AKAP17A: variants seen among roughly 807,000 people sequenced by gnomAD.
AKAP17A encodes the protein A-kinase anchor protein 17A.
A neutral mutation model predicts 52.2 loss-of-function variants in AKAP17A; 15 were observed. The observed-to-expected ratio is 0.29, with a 90% CI of 0.19 to 0.44. The LOEUF (loss-of-function observed/expected upper bound fraction) is 0.44, where lower values mean the gene tolerates loss of function less well. AKAP17A is among the 20% of genes least tolerant of loss of function. AKAP17A has a pLI of 1.00. For synonymous variants in AKAP17A, 514 were observed against 424.7 expected (o/e 1.21, Z -2.58); for missense variants, 1,060 against 1,007.0 (o/e 1.05, Z -0.71).
intron 3 of AKAP17A, among the ~76,000 whole-genome samples, chrX:1,598,718 G>C (rs781553546): frequency 9.9e-5 from 15 of 152,234 alleles, no homozygotes; most frequent in African/African-American, 3.4e-4. Context: ...TTAGAGAGAG[G>C]TCCCCCCGTG....
intron 3 of AKAP17A, among the ~76,000 whole-genome samples, chrX:1,597,747 T>G (rs28680548): frequency 6.6e-6 from 1 of 151,844 alleles, no homozygotes; most frequent in African/African-American, 2.4e-5. Context: ...TGAGGAGAGA[T>G]GGACGTTGGA....
chrX:1,601,970 G>A lies in AKAP17A; in HGVS notation c.*376G>A. ...GCTTGGCGACCTCCCTGCGTGCACGGCCTAGGAGGTGCACGGGCCACCATA... is the reference window on the plus strand; with the variant it reads ...GCTTGGCGACCTCCCTGCGTGCACGACCTAGGAGGTGCACGGGCCACCATA... On this transcript the variant is annotated 3_prime_UTR_variant, in exon 5 of 5. Coordinates refer to ENST00000313871, the MANE Select transcript of AKAP17A (RefSeq NM_005088.3). 4.4e-6 allele frequency: 1 copy of A among 225,214 alleles called. No homozygotes were observed. Among genetic ancestry groups the A allele is most frequent in the Non-Finnish European group, 8.6e-6 (1 of 115,620 alleles). The allele number at this position is 225,214 out of a possible 1,614,324, so 14.0% of individuals were successfully genotyped here.
intron 1 of AKAP17A, 129 bp downstream of exon 1, chrX:1,591,898 TG>T (rs1246725785): frequency 1.4e-4 from 1 of 7,264 alleles, no homozygotes; most frequent in Non-Finnish European, 2.6e-4. Flanking sequence ...GGGCTGGGGT[TG>T]GGGGGCGTGG....
Position 1,601,242 on chromosome X carries a change from G to A in AKAP17A, c.1736G>A (p.Cys579Tyr). ...RKDTRSEQDK[C>Y]NREPSKGRGR... ...GACACCCGGTCAGAACAGGACAAGT[G>A]CAACCGGGAGCCCAGCAAGGGCCGG... is the stretch of plus-strand genomic sequence containing the variant. The change falls in exon 5 of 5, where the codon TGC becomes TAC. Residue 579 changes from cysteine to tyrosine, a missense_variant. Coordinates refer to ENST00000313871, the MANE Select transcript of AKAP17A (RefSeq NM_005088.3). 1 of 1,613,750 alleles carries A rather than the reference G, an allele frequency of 6.2e-7. No homozygotes were observed.
At position 1,601,286 on chromosome X, in the gene AKAP17A, G is replaced by C. The variant is rs199895489; in HGVS notation, c.1780G>C (p.Gly594Arg). The part of the protein sequence containing the change: ...SKGRGRATGD[G>R]LADRHKRERS... ...GGGCCGGGGCCGGGCCACCGGAGAC[G>C]GGCTTGCTGACCGGCACAAGCGGGA... Residue 594 changes from glycine to arginine, a missense_variant, in exon 5 of 5, where the codon GGG becomes CGG. Coordinates refer to ENST00000313871, the MANE Select transcript of AKAP17A (RefSeq NM_005088.3). 1.9e-6 allele frequency: 3 copies of C among 1,611,328 alleles called. No individual in the cohort carries two copies. The highest frequency in any genetic ancestry group is 2.5e-6 in the Non-Finnish European group (3 of 1,179,170).
chrX:1,600,881 G>A lies in AKAP17A; in HGVS notation c.1375G>A (p.Ala459Thr), dbSNP rs1430886370. 11 of 1,581,578 alleles carry A rather than the reference G, an allele frequency of 7.0e-6. No individual in the cohort carries two copies. The highest frequency in any genetic ancestry group is 1.3e-5 in the African/African-American group (1 of 74,630). ...DSHTHDELGV[A>T]HADLLQPVLD... ...CCACACACACGACGAGCTGGGCGTGGCACACGCCGACCTGCTGCAGCCCGT... is the reference window on the plus strand; with the variant it reads ...CCACACACACGACGAGCTGGGCGTGACACACGCCGACCTGCTGCAGCCCGT... Residue 459 changes from alanine to threonine, a missense_variant, in exon 5 of 5, where the codon GCA (alanine) becomes ACA (threonine). By Grantham distance (58) the Ala-to-Thr change is moderately conservative. Around this residue, in one of 2 missense-constraint regions of AKAP17A, gnomAD observed 793 missense variants for 629.9 expected, o/e 1.26. Transcript: ENST00000313871.
At position 1,602,200 on chromosome X, in the gene AKAP17A, C is replaced by CA. The variant is rs1355357327; in HGVS notation, c.*610dup. 1 of 152,312 alleles carries CA rather than the reference C, an allele frequency of 6.6e-6. No homozygotes were observed. Among genetic ancestry groups the CA allele is most frequent in the African/African-American group, 2.4e-5 (1 of 41,424 alleles). 9.4% of individuals were successfully genotyped at this position (152,312 alleles called of 1,614,324 possible). A position where few individuals can be genotyped will look rare whatever the true frequency, so the allele number is the denominator to read the frequency against. ...AGGTGTCGGTATGTGGGGAGTGGTA[C>CA]AAAATGGTCTGATGCTCCTTCAAAA... On this transcript the variant is annotated 3_prime_UTR_variant, in exon 5 of 5. Coordinates refer to ENST00000313871, the MANE Select transcript of AKAP17A (RefSeq NM_005088.3).
chrX:1,595,407 C>G lies in AKAP17A; in HGVS notation c.786C>G (p.His262Gln). ...NIKVSFDSTKHLSDASIKKRQ... is the reference protein window; with the variant it reads ...NIKVSFDSTKQLSDASIKKRQ... ...AGGTTTCTTTTGATTCGACCAAACA[C>G]CTGAGTGATGCCTCAATTAAGAAGC... is the stretch of plus-strand genomic sequence containing the variant. Residue 262 changes from histidine to glutamine, a missense_variant, in exon 3 of 5, where the codon CAC becomes CAG. Coordinates refer to ENST00000313871, the MANE Select transcript of AKAP17A (RefSeq NM_005088.3). 1.2e-6 allele frequency: 2 copies of G among 1,614,000 alleles called. No homozygotes were observed. The highest frequency in any genetic ancestry group is 1.7e-6 in the Non-Finnish European group (2 of 1,179,886).
rs1932885698 is a variant in AKAP17A, at chrX:1,593,851, T to C, written c.389T>C (p.Phe130Ser). The C allele has an allele frequency of 6.2e-7, 1 of 1,612,560 alleles. No homozygotes were observed. The highest frequency in any genetic ancestry group is 1.3e-5 in the African/African-American group (1 of 74,884). Residue 130 changes from phenylalanine (F) to serine (S), a missense_variant, in exon 2 of 5, where the codon TTC becomes TCC. By Grantham distance (155) the Phe-to-Ser change is radical. Transcript: ENST00000313871. Reference sequence around the variant, plus strand: ...CCCACCCGCCACGACTGGGACTCCTTCTTCCGCGACGCCAAGGACATGAAC... The same window carrying C: ...CCCACCCGCCACGACTGGGACTCCTCCTTCCGCGACGCCAAGGACATGAAC... ...DFPTRHDWDS[F>S]FRDAKDMNET...
At chrX:1,596,449 CAT>C (rs1932985319) in intron 3 of AKAP17A, among the ~76,000 whole-genome samples, 1 of 107,178 alleles carries the variant, frequency 9.3e-6, no homozygotes, top group African/African-American at 3.6e-5. Context: ...CCTCCTCCTC[CAT>C]CCCTCCCACC....
chrX:1,598,221 A>AG (rs2039452580), intron 3 of AKAP17A, among the ~76,000 whole-genome samples: 1 of 152,196 alleles, frequency 6.6e-6, no homozygotes, highest in East Asian at 1.9e-4. Flanking sequence ...TTAAACCTTC[A>AG]GCACATGAAA....
chrX:1,597,464 G>T (rs1425348693), intron 3 of AKAP17A, among the ~76,000 whole-genome samples: 2 of 152,170 alleles, frequency 1.3e-5, no homozygotes, highest in Non-Finnish European at 2.9e-5. Context: ...CCTGGGAGGG[G>T]CGGTTCGGAT....
chrX:1,592,990 AAACCTTTCC>A (rs1932865538), intron 1 of AKAP17A, among the ~76,000 whole-genome samples: 1 of 152,116 alleles, frequency 6.6e-6, no homozygotes, highest in Non-Finnish European at 1.5e-5. Flanking sequence ...CCCCTCCACA[AAACCTTTCC>A]AGATGCCTGC....
intron 3 of AKAP17A, among the ~76,000 whole-genome samples, chrX:1,597,358 CG>C (rs1310085391): frequency 6.6e-6 from 1 of 152,142 alleles, no homozygotes; most frequent in Admixed American, 6.5e-5. Context: ...CCATGTCAGC[CG>C]TCAGGATTCC....
intron 4 of AKAP17A, chrX:1,600,056 G>C (rs765491352): frequency 1.4e-5 from 12 of 858,400 alleles, no homozygotes; most frequent in Non-Finnish European, 1.9e-5. Flanking sequence ...AGACGTCCCC[G>C]GCACGCTCCT....
rs140581976 is a variant in AKAP17A at position 1,601,052 on chromosome X, G to A, written c.1546G>A (p.Val516Met). 38 of 1,613,064 alleles carry A rather than the reference G, an allele frequency of 2.4e-5. No individual in the cohort carries two copies. The highest frequency in any genetic ancestry group is 2.0e-4 in the South Asian group (18 of 91,062). The change falls in exon 5 of 5, where the codon GTG (valine) becomes ATG (methionine). Residue 516 changes from valine (V) to methionine (M), a missense_variant. By Grantham distance (21) the Val-to-Met change is conservative (BLOSUM62 1). Around this residue, in one of 2 missense-constraint regions of AKAP17A, gnomAD observed 793 missense variants for 629.9 expected, o/e 1.26. Transcript: ENST00000313871. ...CGCTCCCAAAAGCGTGAACGGGAGC[G>A]TGGCCGAGGAGGCCCCATGCAAGGA... The part of the protein sequence containing the change: ...DGAPKSVNGS[V>M]AEEAPCKEVQ...
Position 1,593,556 on chromosome X carries a change from A to G in AKAP17A, c.94A>G (p.Ile32Val), listed in dbSNP as rs1311542632. ...LYLKPITKMT[I>V]SVALPQLKQP... Reference sequence around the variant, plus strand: ...CCTGAAGCCCATCACCAAGATGACCATCAGCGTGGCACTCCCGCAGCTGAA... The same window carrying G: ...CCTGAAGCCCATCACCAAGATGACCGTCAGCGTGGCACTCCCGCAGCTGAA... The change falls in exon 2 of 5, where the codon ATC (isoleucine) becomes GTC (valine). Residue 32 changes from isoleucine to valine, a missense_variant. This residue lies in a region of AKAP17A where 267 missense variants were observed against 377.1 expected (regional missense o/e 0.71). Coordinates refer to ENST00000313871, the MANE Select transcript of AKAP17A (RefSeq NM_005088.3). 1 of 1,613,636 alleles carries G rather than the reference A, an allele frequency of 6.2e-7. No homozygotes were observed. The highest frequency in any genetic ancestry group is 8.5e-7 in the Non-Finnish European group (1 of 1,179,848).
intron 4 of AKAP17A, chrX:1,600,034 C>T (rs1438869163): frequency 7.7e-6 from 5 of 653,412 alleles, no homozygotes; most frequent in Non-Finnish European, 1.2e-5. Flanking sequence ...GACAGACAGA[C>T]CTCCCCAGGA....
rs779706539 is a variant in AKAP17A, at chrX:1,601,545, G to A, written c.2039G>A (p.Arg680Gln). ...AGCCGCCACCGCCGCCGAAGCGAGC[G>A]GTCGCGCTCCCGGTCCCCGAGCAGG... ...KHSRHRRRSE[R>Q]SRSRSPSRHR... Residue 680 changes from arginine to glutamine, a missense_variant, in exon 5 of 5, where the codon CGG becomes CAG. Coordinates refer to ENST00000313871, the MANE Select transcript of AKAP17A (RefSeq NM_005088.3). The A allele has an allele frequency of 2.6e-5, 39 of 1,472,644 alleles. No individual in the cohort carries two copies. In the South Asian group the frequency reaches 3.9e-4, roughly 15 times the overall value. The allele number at this position is 1,472,644 out of a possible 1,614,324, so 91.2% of individuals were successfully genotyped here.
Sources: gnomAD v4.1 joint callset for allele counts (sites outside exome capture counted in the v4.1 genomes callset) on GRCh38, gnomAD v4.1.1 for gene constraint, gnomAD v4.1.1 regional missense constraint, MANE v1.5 for transcripts, NCBI Gene and HGNC (gene_info 2026-07-23, HGNC 2026-07-21) for gene names.